The following SFI1 variants were observed in gnomAD, a reference collection of about 807,000 sequenced individuals.
The protein encoded by SFI1 is protein SFI1 homolog.
SFI1 carries 195 observed loss-of-function variants against 207.5 expected under a neutral mutation model. That is an observed-to-expected ratio of 0.94 (90% CI 0.84 to 1.06). The LOEUF is 1.06. Ranked by LOEUF, SFI1 falls within the 50% of genes least tolerant of loss-of-function variation. The probability of loss-of-function intolerance (pLI) is 0.00; values close to 1 mark genes in which losing one functional copy is unlikely to be tolerated. For missense variants in SFI1, 1,634 were observed against 1,588.0 expected (o/e 1.03, Z -0.49); for synonymous variants, 630 against 598.9 (o/e 1.05, Z -0.76).
intron 2 of SFI1, among the ~76,000 whole-genome samples, chr22:31,516,085 G>A (rs1251434965): frequency 6.7e-6 from 1 of 150,132 alleles, no homozygotes; most frequent in East Asian, 2.0e-4. Context: ...TTTTTCTCAT[G>A]AGTTGTATAT....
chr22:31,577,924 A>C (rs2063702827), intron 10 of SFI1: 1 of 153,168 alleles, frequency 6.5e-6, no homozygotes, highest in African/African-American at 2.4e-5. Flanking sequence ...GGAGAGAGCC[A>C]AGAGATTTAG....
chr22:31,600,761 G>A (rs756053520), intron 15 of SFI1, among the ~76,000 whole-genome samples: 1 of 152,162 alleles, frequency 6.6e-6, no homozygotes, highest in Non-Finnish European at 1.5e-5. Context: ...GGCTCACCTC[G>A]CCCGTGTCCT....
rs375039201 is a variant in SFI1, at chr22:31,543,931, G to C, written c.339-2930G>C. ...CAGGCCAGTGTGGTGGCTCATGCTTGTAATCCCAGCACTTTGGGAGGCCAA... is the reference window on the plus strand; with the variant it reads ...CAGGCCAGTGTGGTGGCTCATGCTTCTAATCCCAGCACTTTGGGAGGCCAA... On this transcript the variant is annotated intron_variant, in intron 4 of 32. Coordinates refer to ENST00000400288, the MANE Select transcript of SFI1 (RefSeq NM_001007467.3). Among the ~76,000 whole-genome samples, 7 of 150,900 alleles carry C rather than the reference G, an allele frequency of 4.6e-5. 1 individual carries two copies. In the East Asian group the frequency reaches 7.9e-4, roughly 17 times the overall value.
At chr22:31,585,457 ACAGGGAGAGGTG>A (rs1038440627) in intron 14 of SFI1, among the ~76,000 whole-genome samples, 14 of 152,340 alleles carry the variant, frequency 9.2e-5, no homozygotes, top group African/African-American at 3.4e-4. Flanking sequence ...TGCAAGAGGT[ACAGGGAGAGGTG>A]CAGAGCATAA....
rs76914885 is a variant in SFI1, at chr22:31,573,151, C to T, written c.859C>T (p.Arg287Trp). The change falls in exon 9 of 33, where the codon CGG becomes TGG. Residue 287 changes from arginine (R) to tryptophan (W), a missense_variant. By Grantham distance (101) the Arg-to-Trp change is moderately radical (BLOSUM62 -3). Coordinates refer to ENST00000400288, the MANE Select transcript of SFI1 (RefSeq NM_001007467.3). ...AVKHHQHWQK[R>W]RFLKAWLEYL... is the part of the protein sequence containing the mutation. ...GAAACATCATCAGCACTGGCAAAAACGGAGATTTCTAAAGGCCTGGCTTGA... is the reference window on the plus strand; with the variant it reads ...GAAACATCATCAGCACTGGCAAAAATGGAGATTTCTAAAGGCCTGGCTTGA... The T allele has an allele frequency of 1.5e-3, 2,427 of 1,613,732 alleles. 2 individuals carry two copies. The highest frequency in any genetic ancestry group is 1.8e-3 in the Non-Finnish European group (2,153 of 1,179,972).
chr22:31,610,963 A>G (rs1017931675), intron 22 of SFI1, among the ~76,000 whole-genome samples, 180 bp from the exon 23 acceptor site: 16 of 152,202 alleles, frequency 1.1e-4, no homozygotes, highest in African/African-American at 3.9e-4. Context: ...ACTGTTGGCA[A>G]AGGTGGCCAG....
At chr22:31,505,877 C>G (rs113886209) in intron 1 of SFI1, among the ~76,000 whole-genome samples, 4 of 151,974 alleles carry the variant, frequency 2.6e-5, no homozygotes, top group Non-Finnish European at 5.9e-5. Flanking sequence ...ACATGAGACC[C>G]TGGGTGACAG....
At chr22:31,501,493 GAAATC>G (rs1022558292) in intron 1 of SFI1, among the ~76,000 whole-genome samples, 3 of 152,012 alleles carry the variant, frequency 2.0e-5, no homozygotes, top group Non-Finnish European at 2.9e-5. Flanking sequence ...TATGAACTGG[GAAATC>G]AAAAAATTCA....
intron 15 of SFI1, among the ~76,000 whole-genome samples, chr22:31,592,924 A>T (rs1165552562): frequency 2.3e-5 from 2 of 85,826 alleles, no homozygotes; most frequent in African/African-American, 5.3e-5. Context: ...ACTTCCCAGT[A>T]GGGGCGGCCG....
chr22:31,558,993 G>A (rs968552722), intron 7 of SFI1, among the ~76,000 whole-genome samples: 4 of 152,000 alleles, frequency 2.6e-5, no homozygotes, highest in Non-Finnish European at 4.4e-5. Flanking sequence ...TTTTAGTAGA[G>A]ATGGGGTTTC....
chr22:31,544,909 A>C (rs894614118), intron 4 of SFI1, among the ~76,000 whole-genome samples: 4 of 151,992 alleles, frequency 2.6e-5, no homozygotes, highest in Non-Finnish European at 5.9e-5. Context: ...AGTTTTTTTG[A>C]TTGTTTAAGA....
chr22:31,567,353 G>A (rs1792998431), intron 8 of SFI1, among the ~76,000 whole-genome samples: 1 of 152,206 alleles, frequency 6.6e-6, no homozygotes, highest in African/African-American at 2.4e-5. Context: ...ATGAGGTTAT[G>A]AGGTAACAGG....
intron 21 of SFI1, among the ~76,000 whole-genome samples, chr22:31,607,257 G>A (rs10427841): frequency 0.024 from 3,631 of 152,102 alleles, 126 homozygotes; most frequent in African/African-American, 0.083. Flanking sequence ...TGATTTTGTA[G>A]GCATCACTCA....
At chr22:31,532,505 A>G (rs1247693968) in intron 4 of SFI1, among the ~76,000 whole-genome samples, 1 of 152,070 alleles carries the variant, frequency 6.6e-6, no homozygotes, top group African/African-American at 2.4e-5. Flanking sequence ...AAAAACTGAA[A>G]TGTCTTGGGT....
chr22:31,616,999 G>A lies in SFI1; in HGVS notation c.3434-1G>A. ...AAACAAGCTTACTTCTGTCGCCATA[G>A]GCAGCCTGGACCTTGAGGCTGAACT... On this transcript the variant is annotated splice_acceptor_variant, in intron 30 of 32. Transcript: ENST00000400288. LOFTEE classifies it high-confidence loss of function. 1 of 1,614,052 alleles carries A rather than the reference G, an allele frequency of 6.2e-7. No individual in the cohort carries two copies. Among genetic ancestry groups the A allele is most frequent in the South Asian group, 1.1e-5 (1 of 91,074 alleles).
chr22:31,593,759 C>T (rs1033633543), intron 15 of SFI1, among the ~76,000 whole-genome samples: 24 of 150,708 alleles, frequency 1.6e-4, no homozygotes, highest in Non-Finnish European at 2.8e-4. Context: ...CTCGGGAGGC[C>T]GAGGTTGGTG....
At chr22:31,512,120 C>T (rs1428634316) in intron 2 of SFI1, among the ~76,000 whole-genome samples, 1 of 152,062 alleles carries the variant, frequency 6.6e-6, no homozygotes, top group African/African-American at 2.4e-5. Context: ...CTTTGGGAGG[C>T]CGAGGCGGGC....
Position 31,618,221 on chromosome 22 carries a change from G to A in SFI1, c.3619G>A (p.Glu1207Lys). ...AGAGCAGCAGGTGCAGAAAGAGCTG[G>A]AACAGGTGAGGCCCCAGGCCATCCC... ...EVEQQVQKEL[E>K]QVEMQIQLLA... Residue 1207 changes from glutamate (E) to lysine (K), a missense_variant, in exon 32 of 33, where the codon GAA (glutamate) becomes AAA (lysine). Glu to Lys is a moderately conservative substitution (Grantham distance 56, BLOSUM62 1). Transcript: ENST00000400288. 1 of 1,595,980 alleles carries A rather than the reference G, an allele frequency of 6.3e-7. No individual in the cohort carries two copies. Among genetic ancestry groups the A allele is most frequent in the South Asian group, 1.1e-5 (1 of 88,070 alleles).
chr22:31,509,842 C>T (rs62236232), intron 2 of SFI1, among the ~76,000 whole-genome samples: 6,549 of 152,038 alleles, frequency 0.043, 130 homozygotes, highest in African/African-American at 0.05. Flanking sequence ...GTTATGATGG[C>T]GATACTGGTC....
Sources: gnomAD v4.1 joint callset for allele counts (sites outside exome capture counted in the v4.1 genomes callset) on GRCh38, gnomAD v4.1.1 for gene constraint, MANE v1.5 for transcripts, NCBI Gene and HGNC (gene_info 2026-07-23, HGNC 2026-07-21) for gene names.